ERC2: variants seen among roughly 807,000 people sequenced by gnomAD.
ERC2 encodes the protein ELKS/RAB6-interacting/CAST family member 2, also known as ERC protein 2.
In ERC2, 42 loss-of-function variants were observed where a neutral mutation model predicts 114.8. That is an observed-to-expected ratio of 0.37 (90% CI 0.29 to 0.47). ERC2 has a LOEUF of 0.47. Among genes scored for constraint, ERC2 ranks in the 20% least tolerant of loss-of-function variants. The pLI is 0.99. For missense variants in ERC2, 939 were observed against 1,150.7 expected (o/e 0.82, Z 2.66); for synonymous variants, 454 against 425.5 (o/e 1.07, Z -0.82).
chr3:56,453,946 T>A (rs773287707), intron 1 of ERC2, among the ~76,000 whole-genome samples: 1 of 152,266 alleles, frequency 6.6e-6, no homozygotes, highest in Non-Finnish European at 1.5e-5. Context: ...AGCACAGCCC[T>A]AGGAAGAATC....
intron 14 of ERC2, among the ~76,000 whole-genome samples, chr3:55,767,990 T>C (rs1313277449): frequency 6.6e-6 from 1 of 152,180 alleles, no homozygotes; most frequent in Non-Finnish European, 1.5e-5. Flanking sequence ...GCTGTTCTCA[T>C]AATAGTGAGT....
At chr3:56,346,942 G>A (rs1243334632) in intron 2 of ERC2, among the ~76,000 whole-genome samples, 2 of 152,148 alleles carry the variant, frequency 1.3e-5, no homozygotes, top group Admixed American at 6.5e-5. Context: ...CATAAGGGAG[G>A]AGCCTGCATG....
chr3:55,998,890 C>T (rs2149541512), intron 10 of ERC2, among the ~76,000 whole-genome samples: 1 of 152,278 alleles, frequency 6.6e-6, no homozygotes, highest in Non-Finnish European at 1.5e-5. Flanking sequence ...TGGATACCTA[C>T]TAGGCACTGG....
At chr3:55,921,201 AC>A (rs1160027069) in intron 13 of ERC2, among the ~76,000 whole-genome samples, 6 of 152,126 alleles carry the variant, frequency 3.9e-5, no homozygotes, top group Admixed American at 2.6e-4. Context: ...AACCTTAATT[AC>A]CCACCAACAT....
At chr3:56,248,313 T>C (rs1303747188) in intron 3 of ERC2, among the ~76,000 whole-genome samples, 1 of 152,148 alleles carries the variant, frequency 6.6e-6, no homozygotes, top group African/African-American at 2.4e-5. Flanking sequence ...AGACTGGTCT[T>C]GAACTCCTGG....
chr3:56,377,852 CA>C (rs113903383), intron 2 of ERC2, among the ~76,000 whole-genome samples: 5,466 of 133,824 alleles, frequency 0.041, 118 homozygotes, highest in South Asian at 0.081. Flanking sequence ...ACCCTATCTC[CA>C]AAAAAAAAAA....
At chr3:55,993,393 C>A (rs2071232607) in intron 10 of ERC2, among the ~76,000 whole-genome samples, 1 of 151,842 alleles carries the variant, frequency 6.6e-6, no homozygotes, top group Non-Finnish European at 1.5e-5. Flanking sequence ...AGGGAAAAAA[C>A]AAGGCAAGCA....
At chr3:56,047,633 G>C (rs1165391365) in intron 7 of ERC2, among the ~76,000 whole-genome samples, 2 of 152,256 alleles carry the variant, frequency 1.3e-5, no homozygotes, top group African/African-American at 4.8e-5. Flanking sequence ...CACCCAGGGA[G>C]AGGTGCAAGG....
intron 13 of ERC2, among the ~76,000 whole-genome samples, chr3:55,922,544 C>CT (rs1275875877): frequency 6.6e-6 from 1 of 151,992 alleles, no homozygotes; most frequent in Non-Finnish European, 1.5e-5. Context: ...CCCCTTCTTT[C>CT]TTTGTCTTAA....
intron 1 of ERC2, among the ~76,000 whole-genome samples, chr3:56,450,149 T>C (rs2062765088): frequency 6.6e-6 from 1 of 152,250 alleles, no homozygotes; most frequent in Admixed American, 6.5e-5. Flanking sequence ...AAAATTGCTT[T>C]CCCATCATTC....
At chr3:56,242,239 T>A (rs1232705099) in intron 3 of ERC2, among the ~76,000 whole-genome samples, 2 of 152,126 alleles carry the variant, frequency 1.3e-5, no homozygotes, top group Admixed American at 1.3e-4. Flanking sequence ...TACCAAATGT[T>A]CTCATTTATA....
chr3:55,761,187 T>A (rs2067406255), intron 14 of ERC2, among the ~76,000 whole-genome samples: 1 of 152,232 alleles, frequency 6.6e-6, no homozygotes, highest in Non-Finnish European at 1.5e-5. Flanking sequence ...TCATCATTGT[T>A]ATTACTACTG....
chr3:55,724,969 C>T (rs568611835), intron 15 of ERC2, among the ~76,000 whole-genome samples: 5 of 152,214 alleles, frequency 3.3e-5, no homozygotes, highest in African/African-American at 7.2e-5. Context: ...GTAAAACATG[C>T]GTTATCACTT....
At chr3:55,635,579 C>T (rs1234419432) in intron 17 of ERC2, among the ~76,000 whole-genome samples, 6 of 151,776 alleles carry the variant, frequency 4.0e-5, no homozygotes, top group South Asian at 2.1e-4. Flanking sequence ...GTAATAGAGA[C>T]GGGGTTTTAT....
intron 2 of ERC2, among the ~76,000 whole-genome samples, chr3:56,312,970 T>C (rs1326686764): frequency 7.3e-6 from 1 of 136,784 alleles, no homozygotes; most frequent in African/African-American, 2.7e-5. Flanking sequence ...ACAATGCCTA[T>C]GGTCCTTAAT....
intron 14 of ERC2, among the ~76,000 whole-genome samples, chr3:55,767,075 A>G (rs1361274378): frequency 1.3e-5 from 2 of 152,204 alleles, no homozygotes; most frequent in Admixed American, 6.5e-5. Flanking sequence ...TCAGTGATAA[A>G]ATGGTGAACA....
chr3:56,008,624 G>A (rs993001850), intron 9 of ERC2, among the ~76,000 whole-genome samples: 1 of 152,252 alleles, frequency 6.6e-6, no homozygotes, highest in Admixed American at 6.5e-5. Context: ...GCCAGTTTTA[G>A]TCAACTTGGC....
chr3:55,641,455 C>A (rs1283634615), intron 17 of ERC2, among the ~76,000 whole-genome samples: 1 of 139,910 alleles, frequency 7.1e-6, no homozygotes, highest in Non-Finnish European at 1.5e-5. Flanking sequence ...TAGGCTGAGG[C>A]AGGAAAATTG....
chr3:56,409,558 G>A (rs1352450076), intron 2 of ERC2, among the ~76,000 whole-genome samples: 1 of 151,084 alleles, frequency 6.6e-6, no homozygotes, highest in African/African-American at 2.4e-5. Flanking sequence ...AAGGGCTGGT[G>A]ATATTTAAAT....
Sources: allele counts gnomAD v4.1 joint callset (sites outside exome capture counted in the v4.1 genomes callset), GRCh38; gene constraint gnomAD v4.1.1; transcripts MANE v1.5; gene names NCBI Gene and HGNC (gene_info 2026-07-23, HGNC 2026-07-21).